The following ATP2A2 variants were observed in gnomAD, a reference collection of about 807,000 sequenced individuals.
ATP2A2 encodes the protein sarcoplasmic/endoplasmic reticulum calcium ATPase 2.
Under a neutral mutation model 109.3 loss-of-function variants are expected in ATP2A2, and 14 were observed. The ratio of observed to expected loss-of-function variants is 0.13; its 90% CI spans 0.08 to 0.20. ATP2A2 has a LOEUF of 0.20. ATP2A2 is among the 10% of genes least tolerant of loss of function. ATP2A2 has a pLI of 1.00. For missense variants in ATP2A2, 657 were observed against 1,321.6 expected (o/e 0.50, Z 7.80); for synonymous variants, 506 against 490.9 (o/e 1.03, Z -0.41).
Position 110,347,032 on chromosome 12 carries a change from C to CCACCT in ATP2A2, c.*564_*568dup. 1 of 1,057,844 alleles carries CCACCT rather than the reference C, an allele frequency of 9.5e-7. No individual in the cohort carries two copies. Among genetic ancestry groups the CCACCT allele is most frequent in the Non-Finnish European group, 1.1e-6 (1 of 874,416 alleles). The allele number at this position is 1,057,844 out of a possible 1,614,324, so 65.5% of individuals were successfully genotyped here. On this transcript the variant is annotated 3_prime_UTR_variant, in exon 20 of 20. Transcript: ENST00000539276. Reference sequence around the variant, plus strand: ...TGGCCTCCGTTCACCCCACCCCACCCCACCTCTCCCCACCTTACCCCCGCC... The same window carrying CCACCT: ...TGGCCTCCGTTCACCCCACCCCACCCCACCTCACCTCTCCCCACCTTACCCCCGCC...
intron 10 of ATP2A2, 122 bp downstream of exon 10, chr12:110,333,405 C>G (rs1335395183): frequency 1.2e-5 from 11 of 937,172 alleles, no homozygotes; most frequent in Admixed American, 1.1e-4. Context: ...TTTGTTTCCC[C>G]CTTCCATTCA....
intron 3 of ATP2A2, 51 bp from the exon 4 acceptor site, chr12:110,291,969 A>G: frequency 6.6e-7 from 1 of 1,523,558 alleles, no homozygotes; most frequent in Non-Finnish European, 9.1e-7. Context: ...TTTTTAAAAA[A>G]GTGACATTAA....
At chr12:110,341,746 G>A (rs925391135) in intron 14 of ATP2A2, among the ~76,000 whole-genome samples, 3 of 152,130 alleles carry the variant, frequency 2.0e-5, no homozygotes, top group Non-Finnish European at 2.9e-5. Context: ...GGTGGTGGGC[G>A]CCTGTAATCC....
intron 5 of ATP2A2, among the ~76,000 whole-genome samples, chr12:110,298,981 T>G (rs948082885): frequency 6.6e-6 from 1 of 152,148 alleles, no homozygotes; most frequent in Non-Finnish European, 1.5e-5. Flanking sequence ...CTTTTTTTGA[T>G]GAGGGGAAGA....
rs547404517 is a variant in ATP2A2 at position 110,345,026 on chromosome 12, A to G, written c.2607+55A>G. 3.2e-6 allele frequency: 5 copies of G among 1,577,474 alleles called. No homozygotes were observed. The African/African-American group carries it at 6.8e-5, about 21-fold the overall frequency. ...ACATGAGAAGTGTTGTGAGGCCTTG[A>G]CCTTTCTGTGGTTTCGGTATCTATC... is the stretch of plus-strand genomic sequence containing the variant. On this transcript the variant is annotated intron_variant, in intron 17 of 19. Coordinates refer to ENST00000539276, the MANE Select transcript of ATP2A2 (RefSeq NM_170665.4).
intron 7 of ATP2A2, 58 bp downstream of exon 7, chr12:110,326,533 G>A (rs1326890239): frequency 1.4e-6 from 2 of 1,472,728 alleles, no homozygotes; most frequent in African/African-American, 1.4e-5. Context: ...CTAATCAAAT[G>A]TTATGTTTTT....
At chr12:110,331,045 A>G (rs1256280839) in intron 8 of ATP2A2, 3 of 152,064 alleles carry the variant, frequency 2.0e-5, no homozygotes, top group African/African-American at 7.2e-5. Context: ...GGAGTTCGAG[A>G]CCAGCCTGAC....
intron 3 of ATP2A2, among the ~76,000 whole-genome samples, chr12:110,285,537 C>A (rs1872572322): frequency 6.6e-6 from 1 of 152,074 alleles, no homozygotes; most frequent in South Asian, 2.1e-4. Flanking sequence ...GAGACCCTTA[C>A]CTGGAGGATA....
intron 5 of ATP2A2, among the ~76,000 whole-genome samples, chr12:110,304,593 C>G (rs1188723513): frequency 1.3e-5 from 2 of 152,052 alleles, no homozygotes; most frequent in African/African-American, 4.8e-5. Context: ...TGGAGAAATG[C>G]CTGTTTAAAT....
chr12:110,281,760 G>C lies in ATP2A2; in HGVS notation c.-30G>C. ...CGGAGGCGAGGAGGCCGCGGGGACG[G>C]GAGGCGAGGCCGGCCGGGCCCCCGA... On this transcript the variant is annotated 5_prime_UTR_variant, in exon 1 of 20. Coordinates refer to ENST00000539276, the MANE Select transcript of ATP2A2 (RefSeq NM_170665.4). 1 of 1,450,622 alleles carries C rather than the reference G, an allele frequency of 6.9e-7. No homozygotes were observed. Among genetic ancestry groups the C allele is most frequent in the East Asian group, 3.0e-5 (1 of 33,884 alleles). The allele number at this position is 1,450,622 out of a possible 1,614,324, so 89.9% of individuals were successfully genotyped here. A position where few individuals can be genotyped will look rare whatever the true frequency, so the allele number is the denominator to read the frequency against.
chr12:110,347,924 CA>C lies in ATP2A2; in HGVS notation c.*1455del. 1.0e-6 allele frequency: 1 copy of C among 988,186 alleles called. No homozygotes were observed. The highest frequency in any genetic ancestry group is 1.2e-6 in the Non-Finnish European group (1 of 831,744). 61.2% of individuals were successfully genotyped at this position (988,186 alleles called of 1,614,324 possible). A position where few individuals can be genotyped will look rare whatever the true frequency, so the allele number is the denominator to read the frequency against. ...GCTGTGCTCCCTGATGCCCTGTGAGCACCGGGGTTGCCTGTGGCGCCTGCCA... is the reference window on the plus strand; with the variant it reads ...GCTGTGCTCCCTGATGCCCTGTGAGCCCGGGGTTGCCTGTGGCGCCTGCCA... On this transcript the variant is annotated 3_prime_UTR_variant, in exon 20 of 20. Coordinates refer to ENST00000539276, the MANE Select transcript of ATP2A2 (RefSeq NM_170665.4).
chr12:110,300,512 T>G (rs1406848535), intron 5 of ATP2A2, among the ~76,000 whole-genome samples: 1 of 151,054 alleles, frequency 6.6e-6, no homozygotes, highest in African/African-American at 2.4e-5. Context: ...CCACCAACAC[T>G]CCCAGCTAAT....
Position 110,347,084 on chromosome 12 carries a change from G to A in ATP2A2, c.*614G>A, listed in dbSNP as rs1456967658. 2.0e-5 allele frequency: 21 copies of A among 1,057,716 alleles called. No homozygotes were observed. Among genetic ancestry groups the A allele is most frequent in the Non-Finnish European group, 2.4e-5 (21 of 881,618 alleles). 65.5% of individuals were successfully genotyped at this position (1,057,716 alleles called of 1,614,324 possible). ...CGCTTGGCTTCTTCTTTAGGATTGT[G>A]ATGGTTCGTTCTGTTTACATCAGTT... On this transcript the variant is annotated 3_prime_UTR_variant, in exon 20 of 20. Transcript: ENST00000539276.
intron 4 of ATP2A2, among the ~76,000 whole-genome samples, chr12:110,293,826 A>ATATGTGTG (rs1482730636): frequency 2.8e-5 from 3 of 108,568 alleles, no homozygotes; most frequent in African/African-American, 1.2e-4. Flanking sequence ...TGCCATATAT[A>ATATGTGTG]TGTGTGTGTG....
chr12:110,340,607 G>A lies in ATP2A2; in HGVS notation c.1762-52G>A, dbSNP rs1734900855. 1 of 1,588,068 alleles carries A rather than the reference G, an allele frequency of 6.3e-7. No individual in the cohort carries two copies. The highest frequency in any genetic ancestry group is 8.6e-7 in the Non-Finnish European group (1 of 1,159,206). The stretch of plus-strand genomic sequence containing the variant: ...TTAACTGGGCATTTTTCAAACTAGG[G>A]GACAAAAACTAGAACTTGCCACTTT... On this transcript the variant is annotated intron_variant, in intron 13 of 19. Coordinates refer to ENST00000539276, the MANE Select transcript of ATP2A2 (RefSeq NM_170665.4). This position sits in a 1 kb window ranked among gnomAD's most constrained non-coding sequence, Gnocchi z 6.0.
intron 5 of ATP2A2, among the ~76,000 whole-genome samples, chr12:110,320,788 A>G (rs1377235427): frequency 6.6e-6 from 1 of 152,218 alleles, no homozygotes; most frequent in Non-Finnish European, 1.5e-5. Context: ...GAGATTATAT[A>G]TTGACAAACT....
In ATP2A2 at chr12:110,342,242, G is replaced by A. The variant is rs1410059595; in HGVS notation, c.2112G>A (p.Val704=). ...DEITAMTGDG[V]NDAPALKKAE... is the part of the protein sequence containing the mutation. Reference sequence around the variant, plus strand: ...TTCCCTTTCAGACTGGCGATGGCGTGAACGATGCTCCTGCTCTGAAGAAAG... The same window carrying A: ...TTCCCTTTCAGACTGGCGATGGCGTAAACGATGCTCCTGCTCTGAAGAAAG... The change falls in exon 15 of 20, where the codon GTG becomes GTA. Residue 704 remains valine (V), a synonymous_variant. Transcript: ENST00000539276. This position sits in a 1 kb window ranked among gnomAD's most constrained non-coding sequence, Gnocchi z 4.6. The A allele has an allele frequency of 1.9e-6, 3 of 1,614,222 alleles. No homozygotes were observed. The highest frequency in any genetic ancestry group is 1.7e-5 in the Admixed American group (1 of 60,022).
rs986362387 is a variant in ATP2A2 at position 110,340,477 on chromosome 12, G to A, written c.1762-182G>A. Among the ~76,000 whole-genome samples the A allele has an allele frequency of 2.0e-5, 3 of 151,178 alleles. No homozygotes were observed. Among genetic ancestry groups the A allele is most frequent in the Non-Finnish European group, 4.4e-5 (3 of 67,930 alleles). On this transcript the variant is annotated intron_variant, in intron 13 of 19. Transcript: ENST00000539276. The surrounding 1 kb of genome is among the most constrained non-coding windows in gnomAD (Gnocchi z 6.0). ...CTCTTGAACCTGGGAGGCGGAGGTC[G>A]CAGTGAGCTGAGATTGCGCCATGGC...
At chr12:110,317,031 T>C (rs1438284526) in intron 5 of ATP2A2, among the ~76,000 whole-genome samples, 1 of 152,198 alleles carries the variant, frequency 6.6e-6, no homozygotes, top group Admixed American at 6.5e-5. Context: ...TGGGGTATTG[T>C]GTAATGTTCC....
Sources: gnomAD v4.1 joint callset for allele counts (sites outside exome capture counted in the v4.1 genomes callset) on GRCh38, gnomAD v4.1.1 for gene constraint, Gnocchi (gnomAD v3.1) non-coding constraint, MANE v1.5 for transcripts, NCBI Gene and HGNC (gene_info 2026-07-23, HGNC 2026-07-21) for gene names.